Variants in KCNMA1 observed in about 807,000 individuals in gnomAD.
The protein encoded by KCNMA1 is potassium calcium-activated channel subfamily M alpha 1, also known as Calcium-activated potassium channel subunit alpha-1.
KCNMA1 carries 29 observed loss-of-function variants against 140.0 expected under a neutral mutation model. That is an observed-to-expected ratio of 0.21 (90% CI 0.15 to 0.28). The LOEUF (loss-of-function observed/expected upper bound fraction) is 0.28, where lower values mean the gene tolerates loss of function less well. Among genes scored for constraint, KCNMA1 ranks in the 10% least tolerant of loss-of-function variants. The probability of loss-of-function intolerance (pLI) is 1.00; values close to 1 mark genes in which losing one functional copy is unlikely to be tolerated. For missense variants in KCNMA1, 880 were observed against 1,602.2 expected, an observed-to-expected ratio of 0.55 and a Z score of 7.70; for synonymous variants, 612 against 611.9, an observed-to-expected ratio of 1.00 and a Z score of 0.00.
At chr10:77,587,879 G>C (rs530504067) in intron 1 of KCNMA1, 7 of 985,090 alleles carry the variant, frequency 7.1e-6, no homozygotes, top group Non-Finnish European at 7.2e-6. Context: ...ACTCTGAAAA[G>C]AAAATAAGGC....
intron 20 of KCNMA1, among the ~76,000 whole-genome samples, chr10:76,957,255 A>G (rs1001044362): frequency 2.6e-5 from 4 of 152,128 alleles, no homozygotes; most frequent in Non-Finnish European, 5.9e-5. Context: ...TTGAGGCCCA[A>G]ATGAAAAGGG....
intron 1 of KCNMA1, among the ~76,000 whole-genome samples, chr10:77,430,660 T>A (rs1044656832): frequency 6.6e-6 from 1 of 152,152 alleles, no homozygotes; most frequent in Non-Finnish European, 1.5e-5. Context: ...CAGACATAGT[T>A]GAGAAGGACC....
intron 1 of KCNMA1, among the ~76,000 whole-genome samples, chr10:77,528,055 G>T (rs1482505934): frequency 1.3e-5 from 2 of 152,108 alleles, no homozygotes; most frequent in Non-Finnish European, 2.9e-5. Context: ...ACCACTCTGT[G>T]CCTGCATCTC....
At chr10:77,135,017 A>AAAAAAAAAAAAAAAAAAAAAG (rs2097967355) in intron 5 of KCNMA1, among the ~76,000 whole-genome samples, 1 of 143,992 alleles carries the variant, frequency 6.9e-6, no homozygotes, top group African/African-American at 2.6e-5. Flanking sequence ...AAAAAAAAAA[A>AAAAAAAAAAAAAAAAAAAAAG]AAAAAAAAAA....
Position 77,125,195 on chromosome 10 carries a change from C to T in KCNMA1, c.809-4147G>A, listed in dbSNP as rs142800736. Among the ~76,000 whole-genome samples, 10 of 152,308 alleles carry T rather than the reference C, an allele frequency of 6.6e-5. No homozygotes were observed. The East Asian group carries it at 1.4e-3, about 21-fold the overall frequency. ...CAGCCAAACCATATCAGCTTCCTAA[C>T]CGCTTTCTGCCCTGGACCCCTTGTG... On this transcript the variant is annotated intron_variant, in intron 5 of 27. Transcript: ENST00000286628.
chr10:77,273,092 T>C (rs139103822), intron 2 of KCNMA1, among the ~76,000 whole-genome samples: 142 of 152,332 alleles, frequency 9.3e-4, no homozygotes, highest in Middle Eastern at 3.4e-3. Flanking sequence ...TCAAAACCTA[T>C]AGCACTTACT....
chr10:77,359,565 T>C (rs2093773623), intron 2 of KCNMA1, among the ~76,000 whole-genome samples: 1 of 152,066 alleles, frequency 6.6e-6, no homozygotes, highest in Admixed American at 6.5e-5. Flanking sequence ...AAAAGCATGT[T>C]CTCATTATGA....
chr10:77,494,648 G>A (rs1001589086), intron 1 of KCNMA1, among the ~76,000 whole-genome samples: 1 of 152,200 alleles, frequency 6.6e-6, no homozygotes, highest in South Asian at 2.1e-4. Context: ...ACCAGAGGGA[G>A]CAGTTTTCCA....
intron 16 of KCNMA1, among the ~76,000 whole-genome samples, chr10:77,025,242 G>GTGTGTATATATATATA (rs1436772387): frequency 4.7e-5 from 2 of 42,768 alleles, no homozygotes; most frequent in African/African-American, 1.5e-4. Flanking sequence ...GGGTGTGTGT[G>GTGTGTATATATATATA]TATATATATA....
chr10:77,548,136 G>A (rs2061881552), intron 1 of KCNMA1, among the ~76,000 whole-genome samples: 1 of 147,402 alleles, frequency 6.8e-6, no homozygotes, highest in Non-Finnish European at 1.5e-5. Context: ...GAGGGAAAAG[G>A]ATGAAAAAAA....
At chr10:77,497,811 T>G (rs1367979217) in intron 1 of KCNMA1, among the ~76,000 whole-genome samples, 1 of 152,208 alleles carries the variant, frequency 6.6e-6, no homozygotes, top group Non-Finnish European at 1.5e-5. Flanking sequence ...GTGGCTAACT[T>G]GCAGGTGAGT....
intron 19 of KCNMA1, chr10:76,979,416 T>G (rs1444709297): frequency 1.3e-5 from 2 of 152,214 alleles, no homozygotes; most frequent in African/African-American, 4.8e-5. Flanking sequence ...ACATTTCCAC[T>G]TTGGGGTGAA....
chr10:77,139,776 G>GAA (rs2098125963), intron 5 of KCNMA1, among the ~76,000 whole-genome samples: 2 of 152,032 alleles, frequency 1.3e-5, no homozygotes, highest in Non-Finnish European at 2.9e-5. Flanking sequence ...AATCTGCCTA[G>GAA]AAAACTATTC....
At chr10:76,876,667 T>A (rs2032441906), downstream of KCNMA1, 1 of 152,178 alleles carries the variant, frequency 6.6e-6, no homozygotes, top group Non-Finnish European at 1.5e-5. Flanking sequence ...AGCATGCAAA[T>A]TAAAATCTGT....
rs200924907 is a variant in KCNMA1, at chr10:76,970,095, A to C, written c.2267-28T>G. On this transcript the variant is annotated intron_variant, in intron 19 of 27. Transcript: ENST00000286628. ...GGAAATACAGGCAGCTCATGAGATT[A>C]TGAACAGTTTGAGGGCAGACTGTGC... The C allele has an allele frequency of 1.2e-5, 19 of 1,586,244 alleles. 1 individual carries two copies. The Middle Eastern group carries it at 6.6e-4, about 55-fold the overall frequency.
At chr10:77,411,458 G>A (rs112409106) in intron 1 of KCNMA1, among the ~76,000 whole-genome samples, 1,871 of 152,214 alleles carry the variant, frequency 0.012, 21 homozygotes, top group Middle Eastern at 0.02. Flanking sequence ...ACTCTATGAC[G>A]TTGGTACTAA....
intron 1 of KCNMA1, among the ~76,000 whole-genome samples, chr10:77,472,274 A>G (rs747658804): frequency 1.3e-5 from 2 of 151,502 alleles, no homozygotes; most frequent in Non-Finnish European, 2.9e-5. Flanking sequence ...ACACCTAGGC[A>G]CACTATGCAC....
chr10:77,161,427 T>C lies in KCNMA1; in HGVS notation c.808+21994A>G, dbSNP rs555048161. Among the ~76,000 whole-genome samples the C allele has an allele frequency of 8.2e-4, 124 of 151,970 alleles. 1 individual carries two copies. Among genetic ancestry groups the C allele is most frequent in the Admixed American group, 1.3e-3 (20 of 15,248 alleles). On this transcript the variant is annotated intron_variant, in intron 5 of 27. Coordinates refer to ENST00000286628, the MANE Select transcript of KCNMA1 (RefSeq NM_001161352.2). ...CACGCCCAACTACTTTTTTTTTTTG[T>C]AGGGATGGGGTCTCACTATGTTGCC...
At chr10:77,427,003 T>C (rs2097018082) in intron 1 of KCNMA1, among the ~76,000 whole-genome samples, 1 of 152,260 alleles carries the variant, frequency 6.6e-6, no homozygotes, top group Non-Finnish European at 1.5e-5. Context: ...CCTGTATTTT[T>C]TAACATTGAT....
Sources: gnomAD v4.1 joint callset for allele counts (sites outside exome capture counted in the v4.1 genomes callset) on GRCh38, gnomAD v4.1.1 for gene constraint, MANE v1.5 for transcripts, NCBI Gene and HGNC (gene_info 2026-07-23, HGNC 2026-07-21) for gene names.